The following HYDIN variants were observed in gnomAD, a reference collection of about 807,000 sequenced individuals.
HYDIN encodes the protein axonemal central pair apparatus protein HYDIN.
In HYDIN, 132 loss-of-function variants were observed where a neutral mutation model predicts 403.9. The observed-to-expected ratio is 0.33, with a 90% CI of 0.28 to 0.38. The LOEUF (loss-of-function observed/expected upper bound fraction) is 0.38, where lower values mean the gene tolerates loss of function less well. HYDIN is among the 10% of genes least tolerant of loss of function. The probability of loss-of-function intolerance (pLI) is 1.00; values close to 1 mark genes in which losing one functional copy is unlikely to be tolerated. For missense variants in HYDIN, 2,827 were observed against 5,009.5 expected, an observed-to-expected ratio of 0.56 and a Z score of 13.15; for synonymous variants, 1,202 against 1,891.7, an observed-to-expected ratio of 0.64 and a Z score of 9.46.
At chr16:71,198,893 A>G (rs550823564) in intron 1 of HYDIN, among the ~76,000 whole-genome samples, 12 of 152,350 alleles carry the variant, frequency 7.9e-5, no homozygotes, top group African/African-American at 2.6e-4. Context: ...CTTAAGCTAT[A>G]GTAGTTGAGA....
chr16:70,973,446 T>G lies in HYDIN; in HGVS notation c.5276A>C (p.Glu1759Ala). 1 of 539,044 alleles carries G rather than the reference T, an allele frequency of 1.9e-6. No individual in the cohort carries two copies. The highest frequency in any genetic ancestry group is 3.2e-6 in the Non-Finnish European group (1 of 309,386). 33.4% of individuals were successfully genotyped at this position (539,044 alleles called of 1,614,324 possible). Residue 1759 changes from glutamate (E) to alanine (A), a missense_variant, in exon 35 of 86, where the codon GAA becomes GCA. By Grantham distance (107) the Glu-to-Ala change is moderately radical (BLOSUM62 -1). Transcript: ENST00000393567. ...GAAGATCCGTGTCTTTGGCTTTAAT[T>G]CAGCGCGTAGTTTCTGTCTTAAGTA... The part of the protein sequence containing the change: ...PKYLRQKLRA[E>A]LKPKTRIFEI...
chr16:71,199,171 T>A (rs2087858766), intron 1 of HYDIN, among the ~76,000 whole-genome samples: 1 of 152,226 alleles, frequency 6.6e-6, no homozygotes, highest in South Asian at 2.1e-4. Context: ...CTTGGCTTTT[T>A]TCTATTAGGT....
Position 70,807,848 on chromosome 16 carries a change from C to T in HYDIN, c.15098G>A (p.Arg5033Gln), listed in dbSNP as rs375988179. ...PPKPQGPFSI[R>Q]AGYSIIIPFK... ...GGGGATGATTATGCTGTACCCGGCTCGGATCGAGAAGGGACCTTGGGGCTT... is the reference window on the plus strand; with the variant it reads ...GGGGATGATTATGCTGTACCCGGCTTGGATCGAGAAGGGACCTTGGGGCTT... Residue 5033 changes from arginine to glutamine, a missense_variant, in exon 86 of 86, where the codon CGA (arginine) becomes CAA (glutamine). By Grantham distance (43) the Arg-to-Gln change is conservative. Coordinates refer to ENST00000393567, the MANE Select transcript of HYDIN (RefSeq NM_001270974.2). The T allele has an allele frequency of 1.1e-5, 18 of 1,614,012 alleles. No homozygotes were observed. In the African/African-American group the frequency reaches 1.2e-4, roughly 11 times the overall value.
intron 58 of HYDIN, among the ~76,000 whole-genome samples, chr16:70,884,459 C>T (rs1442165084): frequency 2.6e-5 from 4 of 151,826 alleles, no homozygotes; most frequent in Non-Finnish European, 4.4e-5. Context: ...TGCAGAATGG[C>T]GTAGTGGGTG....
In HYDIN at chr16:70,818,583, G is replaced by A. The variant is rs530251779; in HGVS notation, c.14428-11C>T. 277 of 848,156 alleles carry A rather than the reference G, an allele frequency of 3.3e-4. 1 individual carries two copies. In the East Asian group the frequency reaches 7.2e-3, roughly 22 times the overall value. The allele number at this position is 848,156 out of a possible 1,614,324, so 52.5% of individuals were successfully genotyped here. A position where few individuals can be genotyped will look rare whatever the true frequency, so the allele number is the denominator to read the frequency against. On this transcript the variant is annotated splice_polypyrimidine_tract_variant and intron_variant, in intron 83 of 85. Coordinates refer to ENST00000393567, the MANE Select transcript of HYDIN (RefSeq NM_001270974.2). Reference sequence around the variant, plus strand: ...GTTTCGGAAGATCACCTGCATTCACGGGGAGAGAGGGAGGAAGGAGGGAAG... The same window carrying A: ...GTTTCGGAAGATCACCTGCATTCACAGGGAGAGAGGGAGGAAGGAGGGAAG...
At chr16:70,842,162 C>T (rs2037871936) in intron 75 of HYDIN, among the ~76,000 whole-genome samples, 1 of 150,772 alleles carries the variant, frequency 6.6e-6, no homozygotes, top group Non-Finnish European at 1.5e-5. Context: ...GTCTATTCTC[C>T]TGCTGTTAGA....
rs1237433255 is a variant in HYDIN at position 71,027,613 on chromosome 16, C to G, written c.3031G>C (p.Ala1011Pro). 1 of 1,613,940 alleles carries G rather than the reference C, an allele frequency of 6.2e-7. No individual in the cohort carries two copies. Among genetic ancestry groups the G allele is most frequent in the Non-Finnish European group, 8.5e-7 (1 of 1,179,990 alleles). The change falls in exon 20 of 86, where the codon GCT becomes CCT. Residue 1011 changes from alanine to proline, a missense_variant. Ala to Pro is a conservative substitution (Grantham distance 27). Coordinates refer to ENST00000393567, the MANE Select transcript of HYDIN (RefSeq NM_001270974.2). The stretch of plus-strand genomic sequence containing the variant: ...TGCTATCCCCTTACCCTGGGAGTAG[C>G]AGAATAGCCTTCGAGTATCACATCA... ...AIDVILEGYS[A>P]TPRIVKEKLV...
chr16:70,835,908 G>A lies in HYDIN; in HGVS notation c.13243-74C>T. The A allele has an allele frequency of 6.3e-6, 4 of 636,150 alleles. No homozygotes were observed. In the Admixed American group the frequency reaches 1.1e-4, roughly 17 times the overall value. 39.4% of individuals were successfully genotyped at this position (636,150 alleles called of 1,614,324 possible). A position where few individuals can be genotyped will look rare whatever the true frequency, so the allele number is the denominator to read the frequency against. On this transcript the variant is annotated intron_variant, in intron 77 of 85. Transcript: ENST00000393567. Reference sequence around the variant, plus strand: ...AAATAAACATTATATGTCTACTCTGGTGAGGCAAGGGTGGTTCCTTCTCTT... The same window carrying A: ...AAATAAACATTATATGTCTACTCTGATGAGGCAAGGGTGGTTCCTTCTCTT...
At chr16:71,136,451 T>C (rs1485271593) in intron 8 of HYDIN, among the ~76,000 whole-genome samples, 3 of 151,806 alleles carry the variant, frequency 2.0e-5, no homozygotes, top group Admixed American at 1.3e-4. Context: ...ATAGATTATT[T>C]TTAGGAACGC....
intron 45 of HYDIN, among the ~76,000 whole-genome samples, chr16:70,923,647 C>CAAAAAAAAAAAA (rs57860871): frequency 3.9e-4 from 27 of 69,276 alleles, no homozygotes; most frequent in Middle Eastern, 8.1e-3. Flanking sequence ...CTAAAAAATA[C>CAAAAAAAAAAAA]AAAAAAAAAA....
rs2086053756 is a variant in HYDIN, at chr16:71,162,743, G to GA, written c.517-14_517-13insT. 1.6e-6 allele frequency: 1 copy of GA among 607,236 alleles called. No individual in the cohort carries two copies. The highest frequency in any genetic ancestry group is 3.0e-6 in the Non-Finnish European group (1 of 337,272). 37.6% of individuals were successfully genotyped at this position (607,236 alleles called of 1,614,324 possible). ...TATGGGCGTAATCCTACAAGGGAAGGGTATGATCATTATTTGTGGAAAAAG... is the reference window on the plus strand; with the variant it reads ...TATGGGCGTAATCCTACAAGGGAAGGAGTATGATCATTATTTGTGGAAAAAG... On this transcript the variant is annotated splice_polypyrimidine_tract_variant and intron_variant, in intron 5 of 85. Coordinates refer to ENST00000393567, the MANE Select transcript of HYDIN (RefSeq NM_001270974.2).
intron 1 of HYDIN, among the ~76,000 whole-genome samples, chr16:71,215,889 TA>T (rs373669755): frequency 2.0e-5 from 3 of 151,374 alleles, no homozygotes; most frequent in East Asian, 1.9e-4. Flanking sequence ...CCCAAACTAA[TA>T]AAAAAACAGG....
intron 1 of HYDIN, among the ~76,000 whole-genome samples, chr16:71,220,489 T>C (rs751229433): frequency 2.6e-5 from 4 of 152,224 alleles, no homozygotes; most frequent in Admixed American, 6.5e-5. Flanking sequence ...TTAGATATAA[T>C]ATAGAATAAA....
chr16:71,194,162 C>T (rs1248824362), intron 1 of HYDIN, among the ~76,000 whole-genome samples: 1 of 152,148 alleles, frequency 6.6e-6, no homozygotes, highest in Non-Finnish European at 1.5e-5. Context: ...CCTGTAATCC[C>T]AGCACTTTGG....
intron 23 of HYDIN, among the ~76,000 whole-genome samples, chr16:70,995,748 C>T (rs2144057027): frequency 1.3e-5 from 2 of 152,312 alleles, no homozygotes; most frequent in East Asian, 3.9e-4. Flanking sequence ...GAGGGGTGGG[C>T]AGCCCTGCAG....
chr16:71,198,363 G>A (rs1473782924), intron 1 of HYDIN, among the ~76,000 whole-genome samples: 1 of 152,166 alleles, frequency 6.6e-6, no homozygotes, highest in Non-Finnish European at 1.5e-5. Flanking sequence ...AAGGTAATCA[G>A]AGTCTATATC....
intron 18 of HYDIN, among the ~76,000 whole-genome samples, chr16:71,050,609 C>T (rs371598065): frequency 2.0e-5 from 3 of 151,860 alleles, no homozygotes; most frequent in African/African-American, 7.2e-5. Flanking sequence ...CATAGTTTTG[C>T]CTTTTCTAGA....
intron 60 of HYDIN, among the ~76,000 whole-genome samples, chr16:70,881,224 C>CAAAA (rs58562653): frequency 3.5e-5 from 2 of 56,872 alleles, no homozygotes; most frequent in Non-Finnish European, 6.3e-5. Flanking sequence ...GAGACTGTCT[C>CAAAA]AAAAAAAAAA....
intron 1 of HYDIN, among the ~76,000 whole-genome samples, chr16:71,227,031 C>G (rs748932674): frequency 3.9e-5 from 6 of 152,110 alleles, no homozygotes; most frequent in African/African-American, 1.2e-4. Context: ...GATCAAACCC[C>G]TGGCATTTCA....
Sources: gnomAD v4.1 joint callset for allele counts (sites outside exome capture counted in the v4.1 genomes callset) on GRCh38, gnomAD v4.1.1 for gene constraint, MANE v1.5 for transcripts, NCBI Gene and HGNC (gene_info 2026-07-23, HGNC 2026-07-21) for gene names.